The following MGAT4C variants were observed in gnomAD, a reference collection of about 807,000 sequenced individuals.
MGAT4C encodes the protein alpha-1,3-mannosyl-glycoprotein 4-beta-N-acetylglucosaminyltransferase C.
In MGAT4C, 19 loss-of-function variants were observed where a neutral mutation model predicts 40.1. The observed-to-expected ratio is 0.47, with a 90% confidence interval of 0.33 to 0.70. MGAT4C has a LOEUF of 0.70. MGAT4C is among the 30% of genes least tolerant of loss of function. The pLI is 0.02. For synonymous variants in MGAT4C, 181 were observed against 187.1 expected (o/e 0.97, Z 0.27); for missense variants, 491 against 563.2 (o/e 0.87, Z 1.30).
chr12:86,172,246 A>G (rs1886930073), intron 1 of MGAT4C, among the ~76,000 whole-genome samples: 2 of 152,164 alleles, frequency 1.3e-5, no homozygotes. Context: ...AAAAATTAAC[A>G]TAGGTTCAGC....
chr12:86,451,125 G>T (rs915903352), intron 2 of MGAT4C, among the ~76,000 whole-genome samples: 2 of 152,076 alleles, frequency 1.3e-5, no homozygotes, highest in Non-Finnish European at 2.9e-5. Context: ...TTAGATCATG[G>T]GGTGGATTTC....
intron 2 of MGAT4C, among the ~76,000 whole-genome samples, chr12:86,589,282 C>A (rs367619844): frequency 1.3e-5 from 2 of 151,496 alleles, no homozygotes; most frequent in South Asian, 2.1e-4. Flanking sequence ...CACCTCTACG[C>A]AAATAAACTA....
chr12:86,212,509 G>A (rs964201518), intron 1 of MGAT4C, among the ~76,000 whole-genome samples: 15 of 151,832 alleles, frequency 9.9e-5, no homozygotes, highest in African/African-American at 3.1e-4. Context: ...TTATCATCAC[G>A]TAATTGATAC....
At chr12:86,558,137 A>T (rs531940825) in intron 2 of MGAT4C, among the ~76,000 whole-genome samples, 1 of 152,210 alleles carries the variant, frequency 6.6e-6, no homozygotes, top group African/African-American at 2.4e-5. Flanking sequence ...TCTGAACTTG[A>T]AAAGTTTTTT....
rs186879131 is a variant in MGAT4C, at chr12:86,505,046, T to C, written c.-228-69781A>G. ...CAAGTGTCACACACTCATTTCAATG[T>C]GTGGTTTCCTTAGCATCACTGTGGT... On this transcript the variant is annotated intron_variant, in intron 2 of 7. Coordinates refer to the MGAT4C transcript ENST00000548651. Among the ~76,000 whole-genome samples the C allele has an allele frequency of 2.8e-3, 424 of 152,310 alleles. 2 individuals are homozygous for C. The highest frequency in any genetic ancestry group is 9.9e-3 in the African/African-American group (412 of 41,568).
At chr12:86,409,543 C>G (rs145777059) in intron 3 of MGAT4C, among the ~76,000 whole-genome samples, 35 of 152,236 alleles carry the variant, frequency 2.3e-4, no homozygotes, top group African/African-American at 6.5e-4. Flanking sequence ...GACATCACAA[C>G]CTTACAGAAA....
At chr12:86,143,862 C>T (rs1201234418) in intron 1 of MGAT4C, among the ~76,000 whole-genome samples, 2 of 152,164 alleles carry the variant, frequency 1.3e-5, no homozygotes, top group Non-Finnish European at 2.9e-5. Context: ...GCAATAGAAA[C>T]TAACATGTTG....
At chr12:86,603,436 CTATA>C (rs1447675949) in intron 2 of MGAT4C, among the ~76,000 whole-genome samples, 1 of 114,452 alleles carries the variant, frequency 8.7e-6, no homozygotes, top group African/African-American at 3.9e-5. Flanking sequence ...AGTATATATA[CTATA>C]TATAGTCTAT....
At chr12:85,996,255 A>C (rs1886610937) in intron 2 of MGAT4C, among the ~76,000 whole-genome samples, 1 of 152,210 alleles carries the variant, frequency 6.6e-6, no homozygotes, top group African/African-American at 2.4e-5. Context: ...TAGAAGAACA[A>C]TGATAATTTT....
rs1951018798 is a variant in MGAT4C, at chr12:86,738,528, A to G, written c.-261-11287T>C. Among the ~76,000 whole-genome samples the G allele has an allele frequency of 2.0e-5, 3 of 151,414 alleles. 1 individual carries two copies. The highest frequency in any genetic ancestry group is 6.6e-5 in the Admixed American group (1 of 15,134). On this transcript the variant is annotated intron_variant, in intron 1 of 7. Coordinates refer to the MGAT4C transcript ENST00000548651. ...AGCTGATACACAGAGCAGGTACTCA[A>G]TTAATATTTGTTAAATGAATCATGC... is the stretch of plus-strand genomic sequence containing the variant.
At chr12:86,795,391 T>G (rs1332288675) in intron 1 of MGAT4C, among the ~76,000 whole-genome samples, 1 of 152,014 alleles carries the variant, frequency 6.6e-6, no homozygotes, top group Non-Finnish European at 1.5e-5. Flanking sequence ...TCTGCCCATA[T>G]TGCCATTCCC....
At chr12:86,389,738 GTATGT>G (rs559361050) in intron 3 of MGAT4C, among the ~76,000 whole-genome samples, 35 of 152,276 alleles carry the variant, frequency 2.3e-4, no homozygotes, top group African/African-American at 7.5e-4. Flanking sequence ...ATGTTTTACA[GTATGT>G]TATATCTAAT....
intron 2 of MGAT4C, among the ~76,000 whole-genome samples, chr12:86,592,835 T>C (rs1278650145): frequency 6.6e-6 from 1 of 152,212 alleles, no homozygotes; most frequent in African/African-American, 2.4e-5. Flanking sequence ...TAAATATGTA[T>C]TGAATGACTT....
chr12:86,767,975 C>T (rs1951547476), intron 1 of MGAT4C, among the ~76,000 whole-genome samples: 3 of 152,172 alleles, frequency 2.0e-5, no homozygotes, highest in Non-Finnish European at 2.9e-5. Flanking sequence ...GATGCCCTCT[C>T]TCACCACTCC....
intron 2 of MGAT4C, among the ~76,000 whole-genome samples, chr12:86,578,758 T>A (rs192014399): frequency 1.3e-5 from 2 of 151,866 alleles, no homozygotes; most frequent in African/African-American, 2.4e-5. Flanking sequence ...TTGTTTTTTC[T>A]TAATCTGGCT....
chr12:86,801,369 T>C (rs1952222563), intron 1 of MGAT4C, among the ~76,000 whole-genome samples: 1 of 151,772 alleles, frequency 6.6e-6, no homozygotes, highest in African/African-American at 2.4e-5. Flanking sequence ...ATTTTACCAA[T>C]GTATGGACTG....
chr12:86,707,582 G>A (rs1203137718), intron 2 of MGAT4C, among the ~76,000 whole-genome samples: 2 of 149,746 alleles, frequency 1.3e-5, no homozygotes, highest in African/African-American at 4.9e-5. Flanking sequence ...ACATGCTGAA[G>A]TGCAGTGGCA....
intron 1 of MGAT4C, among the ~76,000 whole-genome samples, chr12:86,080,130 G>A (rs1870552217): frequency 1.3e-5 from 2 of 152,124 alleles, no homozygotes; most frequent in South Asian, 4.1e-4. Context: ...CATGCCATCT[G>A]TTTATCTCAT....
At chr12:86,290,860 T>C (rs961672005) in intron 4 of MGAT4C, among the ~76,000 whole-genome samples, 1 of 152,152 alleles carries the variant, frequency 6.6e-6, no homozygotes, top group African/African-American at 2.4e-5. Flanking sequence ...GTTACTATTA[T>C]TGACAGTTTT....
Sources: allele counts gnomAD v4.1 joint callset (sites outside exome capture counted in the v4.1 genomes callset), GRCh38; gene constraint gnomAD v4.1.1; transcripts MANE v1.5; gene names NCBI Gene and HGNC (gene_info 2026-07-23, HGNC 2026-07-21).